Variants in RABL6 observed in about 807,000 individuals in gnomAD.
The protein encoded by RABL6 is rab-like protein 6.
RABL6 carries 28 observed loss-of-function variants against 72.9 expected under a neutral mutation model. That is an observed-to-expected ratio of 0.38 (90% CI 0.28 to 0.53). The LOEUF (loss-of-function observed/expected upper bound fraction) is 0.53, where lower values mean the gene tolerates loss of function less well. RABL6 is among the 20% of genes least tolerant of loss of function. RABL6 has a pLI of 0.80. For synonymous variants in RABL6, 477 were observed against 421.2 expected, an observed-to-expected ratio of 1.13 and a Z score of -1.62; for missense variants, 1,029 against 1,008.4, an observed-to-expected ratio of 1.02 and a Z score of -0.28.
At chr9:136,836,993 C>T in intron 8 of RABL6, 3 of 400,314 alleles carry the variant, frequency 7.5e-6, no homozygotes, top group South Asian at 6.3e-5. Flanking sequence ...CCTGCCTCAG[C>T]CTCCCAAGTA....
Position 136,838,296 on chromosome 9 carries a change from G to A in RABL6, c.1280+281G>A, listed in dbSNP as rs112244945. Among the ~76,000 whole-genome samples the A allele has an allele frequency of 6.5e-3, 993 of 152,298 alleles. 11 individuals are homozygous for A. The highest frequency in any genetic ancestry group is 0.023 in the African/African-American group (943 of 41,562). ...GGCAGATGCCACATGGAAGCCATTG[G>A]AGAGGCCACTGCAGGTCATATGGGA... On this transcript the variant is annotated intron_variant, in intron 10 of 14. Transcript: ENST00000311502.
chr9:136,828,776 A>G (rs1406379944), intron 4 of RABL6, among the ~76,000 whole-genome samples: 2 of 151,594 alleles, frequency 1.3e-5, no homozygotes, highest in Non-Finnish European at 2.9e-5. Flanking sequence ...CCCTATTTGC[A>G]TTTGAGTGAC....
intron 7 of RABL6, among the ~76,000 whole-genome samples, chr9:136,834,929 T>TAAAAA (rs71385775): frequency 1.3e-5 from 1 of 74,402 alleles, no homozygotes; most frequent in Non-Finnish European, 2.6e-5. Flanking sequence ...GACCCTGTTC[T>TAAAAA]AAAAAAAAAA....
At chr9:136,823,303 C>T (rs1470612207) in intron 1 of RABL6, among the ~76,000 whole-genome samples, 3 of 152,014 alleles carry the variant, frequency 2.0e-5, no homozygotes, top group Non-Finnish European at 4.4e-5. Context: ...CCCGGTTCGC[C>T]GTTGATGCTC....
chr9:136,832,308 A>G lies in RABL6; in HGVS notation c.643A>G (p.Lys215Glu), dbSNP rs1848494148. The change falls in exon 7 of 15, where the codon AAG becomes GAG. Residue 215 changes from lysine to glutamate, a missense_variant. Physicochemically the swap from Lys to Glu is moderately conservative, Grantham distance 56 (BLOSUM62 1). Around this residue, in one of 2 missense-constraint regions of RABL6, gnomAD observed 434 missense variants for 536.1 expected, o/e 0.81. Transcript: ENST00000311502. ...SYFRYAESSM[K>E]NSFGLKYLHK... ...CTTCCGCTATGCTGAGTCTTCCATG[A>G]AGAACAGCTTCGGCCTAAAGTACCT... The G allele has an allele frequency of 6.2e-7, 1 of 1,613,776 alleles. No individual in the cohort carries two copies. Among genetic ancestry groups the G allele is most frequent in the Admixed American group, 1.7e-5 (1 of 59,992 alleles).
rs769531791 is a variant in RABL6, at chr9:136,831,714, C to A, written c.459-7C>A. The A allele has an allele frequency of 6.2e-7, 1 of 1,613,066 alleles. No individual in the cohort carries two copies. ...AAACTAAGCCAGGTCCTCACCTGTTCTCCGAGGACCTTCAATTACATTCTC... is the reference window on the plus strand; with the variant it reads ...AAACTAAGCCAGGTCCTCACCTGTTATCCGAGGACCTTCAATTACATTCTC... On this transcript the variant is annotated splice_region_variant and splice_polypyrimidine_tract_variant and intron_variant, in intron 5 of 14. Coordinates refer to ENST00000311502, the MANE Select transcript of RABL6 (RefSeq NM_024718.5).
intron 1 of RABL6, among the ~76,000 whole-genome samples, chr9:136,818,526 G>A (rs1052352321): frequency 6.6e-6 from 1 of 151,878 alleles, no homozygotes; most frequent in African/African-American, 2.4e-5. Context: ...GGTGGATCAC[G>A]AGGTCAGGAG....
chr9:136,808,113 C>T lies in RABL6; in HGVS notation c.-84C>T. ...CCGGCCTCCGGGGGGGCCGGGGCCGCCGGGACATGGTGCCAGTCGCACCCC... is the reference window on the plus strand; with the variant it reads ...CCGGCCTCCGGGGGGGCCGGGGCCGTCGGGACATGGTGCCAGTCGCACCCC... On this transcript the variant is annotated 5_prime_UTR_variant, in exon 1 of 15. Transcript: ENST00000311502. 7.4e-7 allele frequency: 1 copy of T among 1,343,020 alleles called. No individual in the cohort carries two copies. Among genetic ancestry groups the T allele is most frequent in the Non-Finnish European group, 9.7e-7 (1 of 1,034,670 alleles). The allele number at this position is 1,343,020 out of a possible 1,614,324, so 83.2% of individuals were successfully genotyped here. A position where few individuals can be genotyped will look rare whatever the true frequency, so the allele number is the denominator to read the frequency against.
intron 1 of RABL6, among the ~76,000 whole-genome samples, chr9:136,817,834 G>A (rs1286311306): frequency 6.6e-6 from 1 of 152,124 alleles, no homozygotes. Context: ...GGCTGAGGCA[G>A]GTGGATCACT....
Position 136,839,766 on chromosome 9 carries a change from C to T in RABL6, c.1831C>T (p.Pro611Ser), listed in dbSNP as rs747110726. The T allele has an allele frequency of 1.2e-5, 20 of 1,611,832 alleles. No homozygotes were observed. Among genetic ancestry groups the T allele is most frequent in the Admixed American group, 3.3e-5 (2 of 59,900 alleles). The change falls in exon 13 of 15, where the codon CCC (proline) becomes TCC (serine). Residue 611 changes from proline (P) to serine (S), a missense_variant. By Grantham distance (74) the Pro-to-Ser change is moderately conservative. This residue lies in a region of RABL6 where 595 missense variants were observed against 472.4 expected (regional missense o/e 1.26). Transcript: ENST00000311502. ...TGAGGGCCCTGCCGAGCCGCCCCCA[C>T]CCCCCAAGCTCCCTCTCCCCGCCTT... ...EDEGPAEPPP[P>S]PKLPLPAFRL... is the part of the protein sequence containing the mutation.
At chr9:136,823,383 C>T in intron 1 of RABL6, 142 bp from the exon 2 acceptor site, 1 of 1,173,760 alleles carries the variant, frequency 8.5e-7, no homozygotes, top group South Asian at 1.5e-5. Flanking sequence ...TCCTCCCCTG[C>T]CTGCCGGTCA....
intron 1 of RABL6, among the ~76,000 whole-genome samples, chr9:136,818,215 T>C (rs1158493623): frequency 6.8e-6 from 1 of 147,596 alleles, no homozygotes; most frequent in Non-Finnish European, 1.5e-5. Context: ...TACAAAAAAT[T>C]AGACGGGCGT....
intron 1 of RABL6, chr9:136,821,577 C>T (rs111786115): frequency 1.0e-6 from 1 of 985,390 alleles, no homozygotes. Context: ...CGGCGGCCGC[C>T]CGACTGAGCC....
At chr9:136,816,078 A>G (rs1390674826) in intron 1 of RABL6, among the ~76,000 whole-genome samples, 1 of 152,146 alleles carries the variant, frequency 6.6e-6, no homozygotes, top group Non-Finnish European at 1.5e-5. Flanking sequence ...ACCCAAGATC[A>G]AGGGACCAGC....
At chr9:136,834,691 ACG>A (rs1848552562) in intron 7 of RABL6, among the ~76,000 whole-genome samples, 1 of 152,052 alleles carries the variant, frequency 6.6e-6, no homozygotes, top group African/African-American at 2.4e-5. Context: ...ATTGGCCAGG[ACG>A]GTCTCGATCT....
chr9:136,833,799 A>G (rs1310795920), intron 7 of RABL6: 1 of 1,550,512 alleles, frequency 6.4e-7, no homozygotes. Context: ...GCAGGCTGGG[A>G]CTGCTGCTGG....
rs770099575 is a variant in RABL6, at chr9:136,837,461, A to G, written c.925A>G (p.Thr309Ala). ...AGTGGTGCCTGCAGGCGCTGTGTCCACGGGGAGCTCCAGCCCCGGCACACC... is the reference window on the plus strand; with the variant it reads ...AGTGGTGCCTGCAGGCGCTGTGTCCGCGGGGAGCTCCAGCCCCGGCACACC... ...SPVVPAGAVS[T>A]GSSSPGTPQP... Residue 309 changes from threonine to alanine, a missense_variant, in exon 9 of 15, where the codon ACG (threonine) becomes GCG (alanine). Physicochemically the swap from Thr to Ala is moderately conservative, Grantham distance 58. Around this residue, in one of 2 missense-constraint regions of RABL6, gnomAD observed 434 missense variants for 536.1 expected, o/e 0.81. Coordinates refer to ENST00000311502, the MANE Select transcript of RABL6 (RefSeq NM_024718.5). 1.3e-6 allele frequency: 2 copies of G among 1,560,204 alleles called. No homozygotes were observed. Among genetic ancestry groups the G allele is most frequent in the South Asian group, 1.2e-5 (1 of 85,300 alleles).
chr9:136,835,753 G>A lies in RABL6; in HGVS notation c.717G>A (p.Leu239=). ...IPFLQLQRET[L]LRQLETNQLD... is the part of the protein sequence containing the mutation. ...CTCCCTTTCTGCAGAGGGAGACGCT[G>A]TTGCGGCAGCTGGAGACGAACCAGC... Residue 239 remains leucine, a synonymous_variant, in exon 8 of 15, where the codon CTG becomes CTA. Transcript: ENST00000311502. 1 of 1,549,674 alleles carries A rather than the reference G, an allele frequency of 6.5e-7. No homozygotes were observed. Among genetic ancestry groups the A allele is most frequent in the South Asian group, 1.2e-5 (1 of 84,016 alleles).
At chr9:136,819,899 G>GA (rs1256786785) in intron 1 of RABL6, among the ~76,000 whole-genome samples, 4 of 151,704 alleles carry the variant, frequency 2.6e-5, no homozygotes, top group African/African-American at 7.3e-5. Context: ...CTGTCTCTAA[G>GA]AAAAAAATAG....
Sources: allele counts gnomAD v4.1 joint callset (sites outside exome capture counted in the v4.1 genomes callset), GRCh38; gene constraint gnomAD v4.1.1; regional missense constraint gnomAD v4.1.1; transcripts MANE v1.5; gene names NCBI Gene and HGNC (gene_info 2026-07-23, HGNC 2026-07-21).